Variants in CKAP5 observed in about 807,000 individuals in gnomAD.
CKAP5 encodes cytoskeleton-associated protein 5.
In CKAP5, 27 loss-of-function variants were observed where a neutral mutation model predicts 232.8. The observed-to-expected ratio is 0.12, with a 90% CI of 0.09 to 0.16. The LOEUF is 0.16. CKAP5 is among the 10% of genes least tolerant of loss of function. The pLI is 1.00. For synonymous variants in CKAP5, 785 were observed against 841.1 expected (o/e 0.93, Z 1.16); for missense variants, 1,838 against 2,424.7 (o/e 0.76, Z 5.08).
Position 46,790,529 on chromosome 11 carries a change from T to C in CKAP5, c.1705A>G (p.Thr569Ala), listed in dbSNP as rs1938695188. Residue 569 changes from threonine to alanine, a missense_variant, in exon 14 of 44, where the codon ACT becomes GCT. Around this residue, in one of 6 missense-constraint regions of CKAP5, gnomAD observed 767 missense variants for 954.6 expected, o/e 0.80. Transcript: ENST00000529230. Reference sequence around the variant, plus strand: ...AGTCCTTTCTTGTTCTTGGTTCCAGTATTCCCTGCGCCTCCTGGTGCAGCT... The same window carrying C: ...AGTCCTTTCTTGTTCTTGGTTCCAGCATTCCCTGCGCCTCCTGGTGCAGCT... ...KPAAPGGAGNTGTKNKKGLET... is the reference protein window; with the variant it reads ...KPAAPGGAGNAGTKNKKGLET... 3.7e-6 allele frequency: 6 copies of C among 1,614,042 alleles called. No homozygotes were observed. The highest frequency in any genetic ancestry group is 5.1e-6 in the Non-Finnish European group (6 of 1,180,020).
At chr11:46,816,075 AC>A (rs59649961) in intron 4 of CKAP5, 122 bp downstream of exon 4, 727,138 of 727,184 alleles carry the variant, frequency 1, 363,546 homozygotes, top group Middle Eastern at 1. Context: ...TCTCAAAACG[AC>A]CCCCCCATCC....
intron 18 of CKAP5, among the ~76,000 whole-genome samples, chr11:46,781,258 T>C (rs2065339314): frequency 6.6e-6 from 1 of 152,230 alleles, no homozygotes; most frequent in African/African-American, 2.4e-5. Flanking sequence ...TCTTGTTCTA[T>C]TCTACTTTTT....
intron 1 of CKAP5, among the ~76,000 whole-genome samples, chr11:46,836,816 T>TG (rs1939928784): frequency 6.6e-6 from 1 of 152,124 alleles, no homozygotes; most frequent in Admixed American, 6.6e-5. Flanking sequence ...CTGGGCACAG[T>TG]GGGTTGTACT....
Position 46,778,165 on chromosome 11 carries a change from G to T in CKAP5, c.2722C>A (p.Arg908=). The part of the protein sequence containing the change: ...IGELPTALKG[R]LNDSNKILVQ... ...AAGATTTTATTTGAATCATTGAGTCGACCCTTCAAGGCAGTTGGAAGTTCA... is the reference window on the plus strand; with the variant it reads ...AAGATTTTATTTGAATCATTGAGTCTACCCTTCAAGGCAGTTGGAAGTTCA... The change falls in exon 22 of 44, where the codon CGA becomes AGA. Residue 908 remains arginine, a synonymous_variant. Transcript: ENST00000529230. 1 of 1,613,718 alleles carries T rather than the reference G, an allele frequency of 6.2e-7. No homozygotes were observed. The highest frequency in any genetic ancestry group is 8.5e-7 in the Non-Finnish European group (1 of 1,179,870).
At chr11:46,790,289 T>TA (rs1938685550) in intron 14 of CKAP5, 103 bp from the exon 15 acceptor site, 1 of 824,894 alleles carries the variant, frequency 1.2e-6, no homozygotes, top group East Asian at 2.6e-5. Context: ...CTCCCATAGG[T>TA]ATGCTATAGT....
intron 1 of CKAP5, among the ~76,000 whole-genome samples, chr11:46,844,047 C>T (rs1004744146): frequency 2.0e-5 from 3 of 151,818 alleles, no homozygotes; most frequent in Non-Finnish European, 4.4e-5. Context: ...ATAGTGAAAC[C>T]CTGTCTCTAC....
intron 35 of CKAP5, among the ~76,000 whole-genome samples, chr11:46,757,600 G>A (rs553714350): frequency 1.3e-5 from 2 of 151,224 alleles, no homozygotes; most frequent in Non-Finnish European, 2.9e-5. Context: ...TTTATTTTTT[G>A]GAGATGGAGC....
rs1348013751 is a variant in CKAP5, at chr11:46,758,717, A to G, written c.4689+206T>C. On this transcript the variant is annotated intron_variant, in intron 35 of 43. Coordinates refer to ENST00000529230, the MANE Select transcript of CKAP5 (RefSeq NM_001008938.4). Reference sequence around the variant, plus strand: ...GTGAGACCTGGTCTCAAAAGAGGAAAAAAAAAAAAAAAAATAAGGCTCTAT... The same window carrying G: ...GTGAGACCTGGTCTCAAAAGAGGAAGAAAAAAAAAAAAAATAAGGCTCTAT... The G allele has an allele frequency of 6.5e-5, 21 of 322,596 alleles. No homozygotes were observed. In the South Asian group the frequency reaches 9.6e-4, roughly 15 times the overall value. The allele number at this position is 322,596 out of a possible 1,614,324, so 20.0% of individuals were successfully genotyped here. A position where few individuals can be genotyped will look rare whatever the true frequency, so the allele number is the denominator to read the frequency against.
intron 9 of CKAP5, among the ~76,000 whole-genome samples, chr11:46,800,534 C>T (rs1939002647): frequency 6.6e-6 from 1 of 152,026 alleles, no homozygotes; most frequent in Non-Finnish European, 1.5e-5. Context: ...GTAATGCAGA[C>T]CGGATTTAGA....
Position 46,743,958 on chromosome 11 carries a change from T to TTAAAC in CKAP5, c.*60_*64dup. 6.2e-7 allele frequency: 1 copy of TTAAAC among 1,604,558 alleles called. No homozygotes were observed. Among genetic ancestry groups the TTAAAC allele is most frequent in the African/African-American group, 1.3e-5 (1 of 74,636 alleles). ...ATACACTAGGCCTGCTGAGGCCATT[T>TTAAAC]TAAACTATGAGGACTTCTAGTTTAG... On this transcript the variant is annotated 3_prime_UTR_variant, in exon 44 of 44. Coordinates refer to ENST00000529230, the MANE Select transcript of CKAP5 (RefSeq NM_001008938.4).
chr11:46,801,520 A>T (rs1279598726), intron 8 of CKAP5, among the ~76,000 whole-genome samples: 1 of 152,124 alleles, frequency 6.6e-6, no homozygotes, highest in Non-Finnish European at 1.5e-5. Flanking sequence ...AAATACAAAA[A>T]TTAAGCAGGC....
chr11:46,783,944 C>T (rs955720167), intron 17 of CKAP5, among the ~76,000 whole-genome samples: 2 of 151,746 alleles, frequency 1.3e-5, no homozygotes, highest in East Asian at 2.0e-4. Context: ...GGCCTCAAGT[C>T]ATCCTCCTGC....
intron 11 of CKAP5, among the ~76,000 whole-genome samples, chr11:46,797,524 T>C (rs1938908271): frequency 6.6e-6 from 1 of 152,220 alleles, no homozygotes; most frequent in Non-Finnish European, 1.5e-5. Flanking sequence ...ACTCCACATT[T>C]GATGCCTATG....
intron 13 of CKAP5, among the ~76,000 whole-genome samples, chr11:46,794,817 C>A (rs1433022954): frequency 1.3e-5 from 2 of 152,048 alleles, no homozygotes; most frequent in Admixed American, 6.6e-5. Context: ...GCTTGGACAA[C>A]AGAGCAAGAC....
At chr11:46,765,587 T>C (rs1592442396) in intron 27 of CKAP5, among the ~76,000 whole-genome samples, 1 of 147,668 alleles carries the variant, frequency 6.8e-6, no homozygotes, top group East Asian at 2.0e-4. Context: ...TAGCTTTCCA[T>C]ATTAATGACA....
chr11:46,776,034 CA>C (rs1049780397), intron 24 of CKAP5, among the ~76,000 whole-genome samples: 1 of 151,958 alleles, frequency 6.6e-6, no homozygotes, highest in Non-Finnish European at 1.5e-5. Context: ...AAAAATTCCA[CA>C]AAAAGCCTAG....
chr11:46,818,484 C>G lies in CKAP5; in HGVS notation c.77G>C (p.Ser26Thr), dbSNP rs1049231690. Residue 26 changes from serine (S) to threonine (T), a missense_variant, in exon 3 of 44, where the codon AGT (serine) becomes ACT (threonine). By Grantham distance (58) the Ser-to-Thr change is moderately conservative. Coordinates refer to ENST00000529230, the MANE Select transcript of CKAP5 (RefSeq NM_001008938.4). ...CEHKLWKARL[S>T]GYEEALKIFQ... The stretch of plus-strand genomic sequence containing the variant: ...GATCTTCAGGGCCTCTTCATACCCA[C>G]TTAACCTTGCTTTCCACAGCTAAAA... 1.3e-6 allele frequency: 2 copies of G among 1,575,056 alleles called. No individual in the cohort carries two copies. Among genetic ancestry groups the G allele is most frequent in the Non-Finnish European group, 8.6e-7 (1 of 1,166,792 alleles).
chr11:46,794,821 G>A (rs1175353406), intron 13 of CKAP5, among the ~76,000 whole-genome samples: 1 of 152,172 alleles, frequency 6.6e-6, no homozygotes, highest in African/African-American at 2.4e-5. Flanking sequence ...GGACAACAGA[G>A]CAAGACCTTG....
chr11:46,838,678 C>T (rs1175621879), intron 1 of CKAP5, among the ~76,000 whole-genome samples: 1 of 145,098 alleles, frequency 6.9e-6, no homozygotes, highest in African/African-American at 2.6e-5. Flanking sequence ...CGCCTGTAGT[C>T]CCAGCCACTA....
Sources: allele counts gnomAD v4.1 joint callset (sites outside exome capture counted in the v4.1 genomes callset), GRCh38; gene constraint gnomAD v4.1.1; regional missense constraint gnomAD v4.1.1; transcripts MANE v1.5; gene names NCBI Gene and HGNC (gene_info 2026-07-23, HGNC 2026-07-21).